WDPCP: variants seen among roughly 807,000 people sequenced by gnomAD.
WDPCP encodes the protein WD repeat-containing and planar cell polarity effector protein fritz homolog.
WDPCP carries 71 observed loss-of-function variants against 93.1 expected under a neutral mutation model. That is an observed-to-expected ratio of 0.76 (90% CI 0.63 to 0.93). The LOEUF (loss-of-function observed/expected upper bound fraction) is 0.93, where lower values mean the gene tolerates loss of function less well. Among genes scored for constraint, WDPCP ranks in the 40% least tolerant of loss-of-function variants. The probability of loss-of-function intolerance (pLI) is 0.00; values close to 1 mark genes in which losing one functional copy is unlikely to be tolerated. For missense variants in WDPCP, 844 were observed against 887.4 expected (o/e 0.95, Z 0.62); for synonymous variants, 315 against 315.0 (o/e 1.00, Z 0.00).
chr2:63,606,865 A>G, intron 3 of WDPCP: 1 of 1,609,414 alleles, frequency 6.2e-7, no homozygotes, highest in Non-Finnish European at 8.5e-7. Context: ...CAAACAGAAT[A>G]AGACCTGGAA....
At chr2:63,694,321 T>C (rs375433810) in intron 2 of WDPCP, among the ~76,000 whole-genome samples, 1 of 152,130 alleles carries the variant, frequency 6.6e-6, no homozygotes, top group African/African-American at 2.4e-5. Context: ...AGCCTTTAGA[T>C]GGTTAGGATT....
intron 6 of WDPCP, among the ~76,000 whole-genome samples, chr2:63,445,057 C>A (rs542008889): frequency 6.6e-6 from 1 of 151,808 alleles, no homozygotes; most frequent in African/African-American, 2.4e-5. Flanking sequence ...GGAAGTGAAA[C>A]GGTACTTTGA....
chr2:63,755,248 A>C (rs972925721), intron 2 of WDPCP, among the ~76,000 whole-genome samples: 9 of 152,232 alleles, frequency 5.9e-5, no homozygotes, highest in Non-Finnish European at 1.3e-4. Flanking sequence ...TACAGGGACC[A>C]TGAGCCAAGA....
At chr2:63,323,758 G>A (rs1687303847) in intron 12 of WDPCP, among the ~76,000 whole-genome samples, 1 of 152,128 alleles carries the variant, frequency 6.6e-6, no homozygotes, top group South Asian at 2.1e-4. Context: ...GACAGGCAAG[G>A]GTGCAGGTTT....
chr2:63,812,308 C>T (rs1670874463), intron 2 of WDPCP, among the ~76,000 whole-genome samples: 1 of 152,178 alleles, frequency 6.6e-6, no homozygotes, highest in Admixed American at 6.5e-5. Context: ...TTTATCCAGC[C>T]AGCCATTGCT....
intron 1 of WDPCP, among the ~76,000 whole-genome samples, chr2:63,507,016 G>A (rs762282939): frequency 1.3e-5 from 2 of 151,774 alleles, no homozygotes; most frequent in African/African-American, 2.4e-5. Flanking sequence ...TGGGTGATCA[G>A]TCACAGTGAT....
chr2:63,748,525 CA>C (rs1669832689), intron 2 of WDPCP, among the ~76,000 whole-genome samples: 1 of 151,898 alleles, frequency 6.6e-6, no homozygotes, highest in Non-Finnish European at 1.5e-5. Context: ...ACATGGTGAA[CA>C]ACATTACTAA....
Position 63,750,971 on chromosome 2 carries a change from G to A in WDPCP, n.308+62651C>T, listed in dbSNP as rs545621434. On this transcript the variant is annotated intron_variant and non_coding_transcript_variant, in intron 2 of 4. Coordinates refer to the WDPCP transcript ENST00000467687. ...ATTTCTTTGTTAGGTTTTAGTATCA[G>A]AGTTATGGTGGCCTCACGAACAAGC... Among the ~76,000 whole-genome samples the A allele has an allele frequency of 5.3e-5, 8 of 152,230 alleles. No individual in the cohort carries two copies. In the South Asian group the frequency reaches 1.7e-3, roughly 32 times the overall value.
At chr2:63,762,820 C>G (rs1056555455) in intron 2 of WDPCP, among the ~76,000 whole-genome samples, 2 of 152,342 alleles carry the variant, frequency 1.3e-5, no homozygotes, top group African/African-American at 4.8e-5. Context: ...CACCCCACCT[C>G]TCAATACTGC....
intron 3 of WDPCP, among the ~76,000 whole-genome samples, chr2:63,644,439 T>C (rs1432295163): frequency 6.6e-6 from 1 of 152,132 alleles, no homozygotes; most frequent in Non-Finnish European, 1.5e-5. Flanking sequence ...AGACAGGGTT[T>C]CACCATGTTG....
chr2:63,707,300 A>G (rs1340395534), intron 2 of WDPCP, among the ~76,000 whole-genome samples: 3 of 152,088 alleles, frequency 2.0e-5, no homozygotes, highest in Non-Finnish European at 4.4e-5. Context: ...ACATAGTCCC[A>G]TATTTCTTGG....
At chr2:63,824,071 CAT>C (rs1239120476) in intron 1 of WDPCP, among the ~76,000 whole-genome samples, 1 of 152,102 alleles carries the variant, frequency 6.6e-6, no homozygotes, top group African/African-American at 2.4e-5. Context: ...TTAATTCTCA[CAT>C]GTCAAGGGAG....
chr2:63,588,926 G>A, upstream of WDPCP: 1 of 1,413,850 alleles, frequency 7.1e-7, no homozygotes, highest in East Asian at 2.3e-5. Context: ...CGCGTCGGGA[G>A]CGGAGCCTTT....
At chr2:63,767,438 G>A (rs1670159517) in intron 2 of WDPCP, among the ~76,000 whole-genome samples, 1 of 152,086 alleles carries the variant, frequency 6.6e-6, no homozygotes, top group Non-Finnish European at 1.5e-5. Context: ...CCAAAACAAC[G>A]ATAACATTTT....
At position 63,433,923 on chromosome 2, in the gene WDPCP, T is replaced by C. The variant is rs1333840784; in HGVS notation, c.647A>G (p.Glu216Gly). 1 of 1,613,680 alleles carries C rather than the reference T, an allele frequency of 6.2e-7. No homozygotes were observed. Among genetic ancestry groups the C allele is most frequent in the East Asian group, 2.2e-5 (1 of 44,882 alleles). The change falls in exon 9 of 18, where the codon GAA (glutamate) becomes GGA (glycine). Residue 216 changes from glutamate (E) to glycine (G), a missense_variant. Transcript: ENST00000272321. ...SALDYKIFYYEIPGPINKTTE... is the reference protein window; with the variant it reads ...SALDYKIFYYGIPGPINKTTE... ...TGTCTTGTTTATTGGGCCGGGTATTTCATAATAGAAAATCTAACAATTTTA... is the reference window on the plus strand; with the variant it reads ...TGTCTTGTTTATTGGGCCGGGTATTCCATAATAGAAAATCTAACAATTTTA...
chr2:63,592,084 G>A (rs569995975), upstream of WDPCP, among the ~76,000 whole-genome samples: 17 of 152,158 alleles, frequency 1.1e-4, no homozygotes, highest in East Asian at 3.3e-3. Flanking sequence ...TTAGAAAATT[G>A]GTGTATCCTT....
At chr2:63,745,866 C>G (rs1234249166) in intron 2 of WDPCP, among the ~76,000 whole-genome samples, 1 of 152,112 alleles carries the variant, frequency 6.6e-6, no homozygotes, top group Non-Finnish European at 1.5e-5. Context: ...CATTTATGTT[C>G]CCACCAGCAC....
At chr2:63,385,972 GAGAA>G (rs1692698627) in intron 10 of WDPCP, among the ~76,000 whole-genome samples, 1 of 151,880 alleles carries the variant, frequency 6.6e-6, no homozygotes, top group African/African-American at 2.4e-5. Flanking sequence ...AATTCAATGG[GAGAA>G]AGAATACTCT....
chr2:63,567,733 C>T (rs141617698), intron 1 of WDPCP, among the ~76,000 whole-genome samples: 83 of 152,172 alleles, frequency 5.5e-4, no homozygotes, highest in African/African-American at 1.8e-3. Context: ...GTTTGAAATT[C>T]GATATTTGTG....
Sources: allele counts gnomAD v4.1 joint callset (sites outside exome capture counted in the v4.1 genomes callset), GRCh38; gene constraint gnomAD v4.1.1; transcripts MANE v1.5; gene names NCBI Gene and HGNC (gene_info 2026-07-23, HGNC 2026-07-21).